The following SCMH1 variants were observed in gnomAD, a reference collection of about 807,000 sequenced individuals.
SCMH1 encodes the protein Scm polycomb group protein homolog 1.
A neutral mutation model predicts 70.8 loss-of-function variants in SCMH1; 37 were observed. The observed-to-expected ratio is 0.52, with a 90% CI of 0.40 to 0.69. The LOEUF is 0.69. Ranked by LOEUF, SCMH1 falls within the 30% of genes least tolerant of loss-of-function variation. SCMH1 has a pLI of 0.00. For synonymous variants in SCMH1, 292 were observed against 307.4 expected (o/e 0.95, Z 0.52); for missense variants, 607 against 827.3 (o/e 0.73, Z 3.27).
At chr1:41,039,633 A>ATT (rs367832952) in intron 12 of SCMH1, among the ~76,000 whole-genome samples, 110 of 146,494 alleles carry the variant, frequency 7.5e-4, no homozygotes, top group Non-Finnish European at 1.2e-3. Context: ...TGCCCCACTG[A>ATT]TTTTTTTTTT....
At chr1:41,121,697 T>G (rs1485143483) in intron 6 of SCMH1, among the ~76,000 whole-genome samples, 1 of 152,176 alleles carries the variant, frequency 6.6e-6, no homozygotes, top group Non-Finnish European at 1.5e-5. Flanking sequence ...TGTTCATATA[T>G]CCAACTACCT....
intron 9 of SCMH1, among the ~76,000 whole-genome samples, chr1:41,073,077 A>G (rs1367495176): frequency 6.6e-6 from 1 of 152,184 alleles, no homozygotes; most frequent in African/African-American, 2.4e-5. Context: ...TTCCTGAGGG[A>G]GCAGAGCAGA....
chr1:41,221,578 G>A (rs1328285977), intron 1 of SCMH1, among the ~76,000 whole-genome samples: 2 of 137,182 alleles, frequency 1.5e-5, no homozygotes, highest in South Asian at 2.3e-4. Context: ...ATGGCCAAAC[G>A]CTCATAGCAA....
chr1:41,061,875 T>G (rs893252375), intron 10 of SCMH1, among the ~76,000 whole-genome samples: 1 of 151,950 alleles, frequency 6.6e-6, no homozygotes, highest in Non-Finnish European at 1.5e-5. Context: ...AATTTCTCAT[T>G]TTTTTTTGAG....
intron 5 of SCMH1, among the ~76,000 whole-genome samples, chr1:41,150,308 G>C (rs1443583154): frequency 1.3e-5 from 2 of 152,052 alleles, no homozygotes; most frequent in Non-Finnish European, 2.9e-5. Flanking sequence ...CTGGAGACCA[G>C]CCTGGCCAAC....
At chr1:41,086,716 G>A (rs931959709) in intron 8 of SCMH1, among the ~76,000 whole-genome samples, 1 of 152,048 alleles carries the variant, frequency 6.6e-6, no homozygotes, top group Non-Finnish European at 1.5e-5. Flanking sequence ...ACCAGCCTAT[G>A]CAACATAGCA....
At position 41,151,857 on chromosome 1, in the gene SCMH1, G is replaced by A. The variant is rs187252129; in HGVS notation, c.107-173C>T. ...TTAAGGGGAAGAATCTAAGTGACCT[G>A]AGCGGATGTTTTAGATTCACGTTTT... On this transcript the variant is annotated intron_variant, in intron 4 of 14. Coordinates refer to ENST00000337495, the Ensembl canonical transcript of SCMH1. 2.0e-5 allele frequency among the ~76,000 whole-genome samples: 3 copies of A among 152,320 alleles called. No homozygotes were observed. In the East Asian group the frequency reaches 5.8e-4, roughly 29 times the overall value.
intron 1 of SCMH1, among the ~76,000 whole-genome samples, chr1:41,237,336 A>G (rs571958485): frequency 8.8e-4 from 134 of 152,348 alleles, no homozygotes; most frequent in African/African-American, 3.0e-3. Flanking sequence ...ACCTACAACT[A>G]CAAAACAAAT....
intron 8 of SCMH1, among the ~76,000 whole-genome samples, chr1:41,086,008 T>C (rs1406053843): frequency 6.6e-6 from 1 of 151,978 alleles, no homozygotes; most frequent in Non-Finnish European, 1.5e-5. Flanking sequence ...GCCCAGCTAA[T>C]TTCTGTATTT....
At chr1:41,199,970 T>C (rs148801923) in intron 1 of SCMH1, among the ~76,000 whole-genome samples, 2 of 152,282 alleles carry the variant, frequency 1.3e-5, no homozygotes, top group Admixed American at 6.5e-5. Context: ...AAGAAGACCA[T>C]CCCTAGTTTA....
rs376158764 is a variant in SCMH1 at position 41,092,965 on chromosome 1, C to T, written c.746-17514G>A. ...TCAACCATTGTGGAAGACAGTGTGG[C>T]GATTCCTCAAGGATCTAGAACTAGA... is the stretch of plus-strand genomic sequence containing the variant. On this transcript the variant is annotated intron_variant, in intron 8 of 14. Transcript: ENST00000337495. 1.1e-3 allele frequency among the ~76,000 whole-genome samples: 169 copies of T among 152,144 alleles called. 3 individuals are homozygous for T. In the South Asian group the frequency reaches 0.033, roughly 30 times the overall value.
chr1:41,190,323 C>T (rs1364489137), intron 1 of SCMH1, among the ~76,000 whole-genome samples: 1 of 152,200 alleles, frequency 6.6e-6, no homozygotes, highest in Non-Finnish European at 1.5e-5. Flanking sequence ...ATGAGATTTG[C>T]TCTACTTCTT....
intron 8 of SCMH1, among the ~76,000 whole-genome samples, chr1:41,111,644 T>C (rs1669268664): frequency 6.6e-6 from 1 of 152,180 alleles, no homozygotes; most frequent in African/African-American, 2.4e-5. Context: ...CCCAGCCCCT[T>C]GTACCACTTT....
intron 4 of SCMH1, among the ~76,000 whole-genome samples, chr1:41,159,260 CA>C (rs1280522688): frequency 3.3e-5 from 5 of 152,166 alleles, no homozygotes; most frequent in Non-Finnish European, 7.4e-5. Flanking sequence ...AATACACTTT[CA>C]AATTTTAACA....
At chr1:41,075,042 T>G (rs1657823645) in intron 9 of SCMH1, among the ~76,000 whole-genome samples, 177 bp downstream of exon 9, 1 of 152,186 alleles carries the variant, frequency 6.6e-6, no homozygotes, top group African/African-American at 2.4e-5. Flanking sequence ...TTTTGTATTT[T>G]TAGTAGAGAT....
chr1:41,167,361 A>G (rs1022059409), intron 2 of SCMH1, among the ~76,000 whole-genome samples: 5 of 152,166 alleles, frequency 3.3e-5, no homozygotes, highest in Admixed American at 6.5e-5. Context: ...TGGCTTTGGT[A>G]TCAAGGTACT....
intron 8 of SCMH1, among the ~76,000 whole-genome samples, chr1:41,097,635 A>G (rs1220524954): frequency 6.6e-6 from 1 of 152,164 alleles, no homozygotes; most frequent in Non-Finnish European, 1.5e-5. Flanking sequence ...CAGCTAGCTA[A>G]TCAAATTCAT....
intron 8 of SCMH1, among the ~76,000 whole-genome samples, chr1:41,088,816 C>CTTATT (rs1662485701): frequency 6.6e-6 from 1 of 152,098 alleles, no homozygotes. Flanking sequence ...AATTCTGAAA[C>CTTATT]TTATTTTATG....
chr1:41,089,254 T>C (rs1186215765), intron 8 of SCMH1, among the ~76,000 whole-genome samples: 1 of 152,210 alleles, frequency 6.6e-6, no homozygotes, highest in African/African-American at 2.4e-5. Flanking sequence ...GAAAATCTAT[T>C]AGACATTCTA....
Sources: allele counts gnomAD v4.1 joint callset (sites outside exome capture counted in the v4.1 genomes callset), GRCh38; gene constraint gnomAD v4.1.1; transcripts MANE v1.5; gene names NCBI Gene and HGNC (gene_info 2026-07-23, HGNC 2026-07-21).